KCNQ1OT1: variants seen among roughly 807,000 people sequenced by gnomAD.
The protein encoded by KCNQ1OT1 is KCNQ1 opposite strand/antisense transcript 1.
chr11:2,650,605 G>T, exon 1 of KCNQ1OT1: 1 of 398,550 alleles, frequency 2.5e-6, no homozygotes, highest in Admixed American at 4.4e-5. Context: ...CTCCTTAGAG[G>T]TACTTACTCC....
In KCNQ1OT1 at chr11:2,626,532, G is replaced by A. The variant is rs1367796740; in HGVS notation, n.73463C>T. Reference sequence around the variant, plus strand: ...TTACTGTAGCTTCGTAATAAGTTGGGGTTTTTGTTTGTTTTTCAGACATTC... The same window carrying A: ...TTACTGTAGCTTCGTAATAAGTTGGAGTTTTTGTTTGTTTTTCAGACATTC... On this transcript the variant is annotated non_coding_transcript_exon_variant, in exon 1 of 1. Coordinates refer to ENST00000597346, the Ensembl canonical transcript of KCNQ1OT1. The surrounding 1 kb of genome is among the most constrained non-coding windows in gnomAD (Gnocchi z 4.0). 1 of 398,388 alleles carries A rather than the reference G, an allele frequency of 2.5e-6. No homozygotes were observed. The highest frequency in any genetic ancestry group is 4.4e-5 in the Admixed American group (1 of 22,704). The allele number at this position is 398,388 out of a possible 1,614,324, so 24.7% of individuals were successfully genotyped here.
At chr11:2,628,501 T>G (rs1849296895) in exon 1 of KCNQ1OT1, 1 of 398,310 alleles carries the variant, frequency 2.5e-6, no homozygotes, top group South Asian at 1.3e-4. Context: ...TATTAAGTTT[T>G]TTTGCTAGTT....
chr11:2,648,154 A>C (rs576677943), exon 1 of KCNQ1OT1: 3 of 394,390 alleles, frequency 7.6e-6, no homozygotes, highest in Non-Finnish European at 1.3e-5. Flanking sequence ...ACAGTGAGCC[A>C]AGATCACACC....
chr11:2,665,033 G>A (rs926400810), exon 1 of KCNQ1OT1: 7 of 398,526 alleles, frequency 1.8e-5, no homozygotes, highest in Admixed American at 4.4e-5. Flanking sequence ...GGTGGGGGGT[G>A]AGCAGGCCTG....
At position 2,674,604 on chromosome 11, in the gene KCNQ1OT1, T is replaced by C; in HGVS notation, n.25391A>G. ...GTTGTGTTGCCTTTTAAATAGGCTCTGGCTTAAAACAGTCACAGCGAAACA... is the reference window on the plus strand; with the variant it reads ...GTTGTGTTGCCTTTTAAATAGGCTCCGGCTTAAAACAGTCACAGCGAAACA... On this transcript the variant is annotated non_coding_transcript_exon_variant, in exon 1 of 1. Transcript: ENST00000597346. This position sits in a 1 kb window ranked among gnomAD's most constrained non-coding sequence, Gnocchi z 5.9. The C allele has an allele frequency of 2.5e-6, 1 of 398,652 alleles. No individual in the cohort carries two copies. Among genetic ancestry groups the C allele is most frequent in the Non-Finnish European group, 4.4e-6 (1 of 226,066 alleles). 24.7% of individuals were successfully genotyped at this position (398,652 alleles called of 1,614,324 possible).
At chr11:2,699,784 C>A in exon 1 of KCNQ1OT1, 1 of 397,470 alleles carries the variant, frequency 2.5e-6, no homozygotes, top group Non-Finnish European at 4.4e-6. Context: ...CCGAGGAGAA[C>A]CGCGCCGAGG....
At chr11:2,681,193 T>C (rs1366657236) in exon 1 of KCNQ1OT1, 4 of 398,626 alleles carry the variant, frequency 1.0e-5, no homozygotes, top group African/African-American at 2.1e-5. Context: ...AAAGTCATTT[T>C]TGCAGTGTTT....
At chr11:2,650,802 G>A (rs915207333) in exon 1 of KCNQ1OT1, 1 of 398,464 alleles carries the variant, frequency 2.5e-6, no homozygotes, top group African/African-American at 2.1e-5. Flanking sequence ...TAACAGCATG[G>A]GTCATGTGGT....
At position 2,659,879 on chromosome 11, in the gene KCNQ1OT1, A is replaced by G. The variant is rs1213921908; in HGVS notation, n.40116T>C. The G allele has an allele frequency of 2.5e-6, 1 of 398,378 alleles. No homozygotes were observed. The highest frequency in any genetic ancestry group is 3.6e-5 in the East Asian group (1 of 28,028). 24.7% of individuals were successfully genotyped at this position (398,378 alleles called of 1,614,324 possible). ...ATGTGCTTATTTATAATCCATTTTT[A>G]AAATTGGATTGTTCACTTTATTGTC... On this transcript the variant is annotated non_coding_transcript_exon_variant, in exon 1 of 1. Coordinates refer to ENST00000597346, the Ensembl canonical transcript of KCNQ1OT1. The surrounding 1 kb of genome is among the most constrained non-coding windows in gnomAD (Gnocchi z 4.3).
rs1849224834 is a variant in KCNQ1OT1 at position 2,624,202 on chromosome 11, C to T, written n.75793G>A. Reference sequence around the variant, plus strand: ...GGGCATCTTTTCATATACTTAGTTGCCATCTGTATATCTTCATTGGTGAGA... The same window carrying T: ...GGGCATCTTTTCATATACTTAGTTGTCATCTGTATATCTTCATTGGTGAGA... On this transcript the variant is annotated non_coding_transcript_exon_variant, in exon 1 of 1. Transcript: ENST00000597346. This position sits in a 1 kb window ranked among gnomAD's most constrained non-coding sequence, Gnocchi z 4.9. The T allele has an allele frequency of 7.5e-6, 3 of 398,422 alleles. No individual in the cohort carries two copies. The highest frequency in any genetic ancestry group is 1.3e-5 in the Non-Finnish European group (3 of 226,048). The allele number at this position is 398,422 out of a possible 1,614,324, so 24.7% of individuals were successfully genotyped here. A position where few individuals can be genotyped will look rare whatever the true frequency, so the allele number is the denominator to read the frequency against.
exon 1 of KCNQ1OT1, chr11:2,649,703 C>T (rs918072849): frequency 1.1e-4 from 42 of 398,428 alleles, no homozygotes; most frequent in African/African-American, 5.6e-4. Flanking sequence ...TATGTGACTT[C>T]ATGCTTCTCT....
rs964709959 is a variant in KCNQ1OT1, at chr11:2,626,493, C to G, written n.73502G>C. On this transcript the variant is annotated non_coding_transcript_exon_variant, in exon 1 of 1. Transcript: ENST00000597346. This position sits in a 1 kb window ranked among gnomAD's most constrained non-coding sequence, Gnocchi z 4.0. Reference sequence around the variant, plus strand: ...TGGTCTCTACATCTTTATGTCAATACCACATAGTTTTGATTACTGTAGCTT... The same window carrying G: ...TGGTCTCTACATCTTTATGTCAATAGCACATAGTTTTGATTACTGTAGCTT... 2.5e-6 allele frequency: 1 copy of G among 398,440 alleles called. No homozygotes were observed. The highest frequency in any genetic ancestry group is 4.4e-6 in the Non-Finnish European group (1 of 226,086). 24.7% of individuals were successfully genotyped at this position (398,440 alleles called of 1,614,324 possible).
At chr11:2,615,976 G>A (rs768340229) in exon 1 of KCNQ1OT1, 5 of 397,902 alleles carry the variant, frequency 1.3e-5, no homozygotes, top group African/African-American at 6.2e-5. Flanking sequence ...CAACAGTGAC[G>A]CCATCTGTGT....
chr11:2,689,345 G>C (rs768893958), exon 1 of KCNQ1OT1: 2 of 398,562 alleles, frequency 5.0e-6, no homozygotes, highest in Non-Finnish European at 8.8e-6. Context: ...AGAGCTTGAG[G>C]CCTTTAGGTC....
chr11:2,647,922 T>C lies in KCNQ1OT1; in HGVS notation n.52073A>G. On this transcript the variant is annotated non_coding_transcript_exon_variant, in exon 1 of 1. Coordinates refer to ENST00000597346, the Ensembl canonical transcript of KCNQ1OT1. This position sits in a 1 kb window ranked among gnomAD's most constrained non-coding sequence, Gnocchi z 4.0. The stretch of plus-strand genomic sequence containing the variant: ...TTATTGATTTTCTCTTTTCAAAAAA[T>C]CAGTTTTTTGGCTGGGTTTGTTGGC... 1 of 398,382 alleles carries C rather than the reference T, an allele frequency of 2.5e-6. No homozygotes were observed. The highest frequency in any genetic ancestry group is 4.4e-6 in the Non-Finnish European group (1 of 226,030). 24.7% of individuals were successfully genotyped at this position (398,382 alleles called of 1,614,324 possible). A position where few individuals can be genotyped will look rare whatever the true frequency, so the allele number is the denominator to read the frequency against.
rs559120145 is a variant in KCNQ1OT1, at chr11:2,623,189, G to A, written n.76806C>T. The stretch of plus-strand genomic sequence containing the variant: ...TGTGCCTGCTTCTCCTTTGCCTTCC[G>A]CCATGATTTTAAGTTTCTGAGGCCT... On this transcript the variant is annotated non_coding_transcript_exon_variant, in exon 1 of 1. Transcript: ENST00000597346. The surrounding 1 kb of genome is among the most constrained non-coding windows in gnomAD (Gnocchi z 5.2). The A allele has an allele frequency of 7.0e-5, 28 of 398,490 alleles. No homozygotes were observed. Among genetic ancestry groups the A allele is most frequent in the South Asian group, 2.5e-4 (2 of 7,848 alleles). 24.7% of individuals were successfully genotyped at this position (398,490 alleles called of 1,614,324 possible).
In KCNQ1OT1 at chr11:2,671,042, G is replaced by C; in HGVS notation, n.28953C>G. 2.5e-6 allele frequency: 1 copy of C among 398,682 alleles called. No homozygotes were observed. The highest frequency in any genetic ancestry group is 4.4e-6 in the Non-Finnish European group (1 of 226,092). 24.7% of individuals were successfully genotyped at this position (398,682 alleles called of 1,614,324 possible). On this transcript the variant is annotated non_coding_transcript_exon_variant, in exon 1 of 1. Transcript: ENST00000597346. The surrounding 1 kb of genome is among the most constrained non-coding windows in gnomAD (Gnocchi z 4.7). ...AACGTAGGTGTCCTGGGCAGGGGCT[G>C]TATCTGAGGCACACATCCTTGGTAG... is the stretch of plus-strand genomic sequence containing the variant.
rs1304306943 is a variant in KCNQ1OT1 at position 2,668,877 on chromosome 11, T to C, written n.31118A>G. 2.5e-6 allele frequency: 1 copy of C among 398,526 alleles called. No individual in the cohort carries two copies. The highest frequency in any genetic ancestry group is 4.4e-6 in the Non-Finnish European group (1 of 226,074). 24.7% of individuals were successfully genotyped at this position (398,526 alleles called of 1,614,324 possible). On this transcript the variant is annotated non_coding_transcript_exon_variant, in exon 1 of 1. Transcript: ENST00000597346. The surrounding 1 kb of genome is among the most constrained non-coding windows in gnomAD (Gnocchi z 4.3). ...GTCCTATTTAAGAAACTTTGACTAC[T>C]CCAAGGTCATAAAGATATTCTGGTT...
chr11:2,699,617 G>GAACCGCGCCGAAGAACCCCGGGGAC, exon 1 of KCNQ1OT1: 1 of 354,244 alleles, frequency 2.8e-6, no homozygotes, highest in Non-Finnish European at 4.9e-6. Context: ...CCCCCGGAGA[G>GAACCGCGCCGAAGAACCCCGGGGAC]AACCGCGCCG....
Sources: gnomAD v4.1 joint callset for allele counts on GRCh38, gnomAD v4.1.1 for gene constraint, Gnocchi (gnomAD v3.1) non-coding constraint, MANE v1.5 for transcripts, NCBI Gene and HGNC (gene_info 2026-07-23, HGNC 2026-07-21) for gene names.